The following AAK1 variants were observed in gnomAD, a reference collection of about 807,000 sequenced individuals.
The protein encoded by AAK1 is AP2 associated kinase 1.
Under a neutral mutation model 116.0 loss-of-function variants are expected in AAK1, and 37 were observed. The ratio of observed to expected loss-of-function variants is 0.32; its 90% CI spans 0.25 to 0.42. The LOEUF is 0.42. AAK1 is among the 10% of genes least tolerant of loss of function. The pLI, the probability that AAK1 is intolerant of heterozygous loss-of-function variation, is 1.00. For synonymous variants in AAK1, 458 were observed against 439.9 expected (o/e 1.04, Z -0.51); for missense variants, 919 against 1,170.6 (o/e 0.79, Z 3.14).
At chr2:69,583,873 A>C (rs1010084141) in intron 2 of AAK1, among the ~76,000 whole-genome samples, 11 of 152,108 alleles carry the variant, frequency 7.2e-5, no homozygotes, top group Non-Finnish European at 1.2e-4. Context: ...CACAGCACAA[A>C]ATGTCCACTT....
At position 69,519,177 on chromosome 2, in the gene AAK1, C is replaced by T. The variant is rs1236189814; in HGVS notation, c.1274G>A (p.Ser425Asn). Residue 425 changes from serine to asparagine, a missense_variant, in exon 12 of 22, where the codon AGC (serine) becomes AAC (asparagine). Ser to Asn is a conservative substitution (Grantham distance 46, BLOSUM62 1). Coordinates refer to ENST00000409085, the MANE Select transcript of AAK1 (RefSeq NM_014911.5). ...VPQPKPQAPP[S>N]QPLPQTQAKQ... ...GGCCTGAGTTTGCGGCAGAGGCTGG[C>T]TGGGTGGGGCTTGGGGTTTTGGTTG... The T allele has an allele frequency of 6.3e-7, 1 of 1,587,580 alleles. No homozygotes were observed.
Position 69,460,276 on chromosome 2 carries a change from A to T in AAK1, c.*15593T>A, listed in dbSNP as rs1001004501. 1.3e-5 allele frequency: 2 copies of T among 152,632 alleles called. No homozygotes were observed. Among genetic ancestry groups the T allele is most frequent in the African/African-American group, 4.8e-5 (2 of 41,452 alleles). 9.5% of individuals were successfully genotyped at this position (152,632 alleles called of 1,614,324 possible). ...TTAAGCTGTATTCTTCCTGCTAGAG[A>T]ATGAATTGAGTAGCATCCTTCTCTA... is the stretch of plus-strand genomic sequence containing the variant. On this transcript the variant is annotated 3_prime_UTR_variant, in exon 22 of 22. Coordinates refer to ENST00000409085, the MANE Select transcript of AAK1 (RefSeq NM_014911.5).
intron 2 of AAK1, among the ~76,000 whole-genome samples, chr2:69,617,264 A>AT (rs1301857873): frequency 6.6e-6 from 1 of 152,222 alleles, no homozygotes; most frequent in Non-Finnish European, 1.5e-5. Flanking sequence ...AAGGAATTCA[A>AT]TTATCTCTAA....
chr2:69,535,092 A>T (rs1203839993), intron 5 of AAK1, among the ~76,000 whole-genome samples: 2 of 152,180 alleles, frequency 1.3e-5, no homozygotes. Flanking sequence ...GGCCTCATGC[A>T]CCTGGCAGGG....
intron 2 of AAK1, among the ~76,000 whole-genome samples, chr2:69,629,245 G>T (rs1019789066): frequency 2.0e-5 from 3 of 152,148 alleles, no homozygotes; most frequent in African/African-American, 7.2e-5. Context: ...AAAAATCACT[G>T]TCCTAATTTA....
intron 2 of AAK1, among the ~76,000 whole-genome samples, chr2:69,587,487 T>C (rs944321557): frequency 1.4e-5 from 2 of 147,702 alleles, no homozygotes; most frequent in Non-Finnish European, 3.0e-5. Context: ...ATTTTTTTGA[T>C]GTCGTTTCGC....
intron 5 of AAK1, among the ~76,000 whole-genome samples, chr2:69,540,723 C>T (rs1670677014): frequency 6.6e-6 from 1 of 152,206 alleles, no homozygotes; most frequent in South Asian, 2.1e-4. Flanking sequence ...CACAGAGCTA[C>T]TATATGACCC....
At position 69,499,400 on chromosome 2, in the gene AAK1, G is replaced by A. The variant is rs150173684; in HGVS notation, c.2270-3320C>T. On this transcript the variant is annotated intron_variant, in intron 16 of 21. Transcript: ENST00000409085. ...AGCCTTTAAAGCACTCCCTTCTGGG[G>A]CCCCTAGTTCCCTCTGGGACTTTCA... Among the ~76,000 whole-genome samples the A allele has an allele frequency of 2.0e-5, 3 of 152,188 alleles. No homozygotes were observed. The East Asian group carries it at 5.8e-4, about 29-fold the overall frequency.
At chr2:69,533,999 C>G (rs1348192635) in intron 5 of AAK1, among the ~76,000 whole-genome samples, 1 of 152,180 alleles carries the variant, frequency 6.6e-6, no homozygotes, top group Non-Finnish European at 1.5e-5. Context: ...CATATACACA[C>G]TTTAGGAATT....
chr2:69,592,548 G>T (rs1455827227), intron 2 of AAK1, among the ~76,000 whole-genome samples: 1 of 152,106 alleles, frequency 6.6e-6, no homozygotes, highest in Non-Finnish European at 1.5e-5. Flanking sequence ...AGGTAGAGAT[G>T]GTTTTCTATA....
intron 2 of AAK1, among the ~76,000 whole-genome samples, chr2:69,610,050 CAA>C (rs760754177): frequency 0.077 from 4,102 of 53,200 alleles, 89 homozygotes; most frequent in South Asian, 0.23. Context: ...GACTCTGTCT[CAA>C]AAAAAAAAAA....
rs552158990 is a variant in AAK1 at position 69,466,558 on chromosome 2, A to G, written c.*9311T>C. The stretch of plus-strand genomic sequence containing the variant: ...TTGGACTCCCTCTGGAGATCTAGAA[A>G]AGCATAAAATGCAGAATTAATGTGT... On this transcript the variant is annotated 3_prime_UTR_variant, in exon 22 of 22. Transcript: ENST00000409085. 40 of 1,181,940 alleles carry G rather than the reference A, an allele frequency of 3.4e-5. No homozygotes were observed. In the African/African-American group the frequency reaches 5.4e-4, roughly 16 times the overall value. The allele number at this position is 1,181,940 out of a possible 1,614,324, so 73.2% of individuals were successfully genotyped here.
In AAK1 at chr2:69,620,909, A is replaced by G. The variant is rs115740336; in HGVS notation, c.163+21969T>C. ...ATGCCATGATACTTAACTTCCCTAGATATCTTTCCTTAAAATGATTTGCCC... is the reference window on the plus strand; with the variant it reads ...ATGCCATGATACTTAACTTCCCTAGGTATCTTTCCTTAAAATGATTTGCCC... On this transcript the variant is annotated intron_variant, in intron 2 of 21. Transcript: ENST00000409085. Among the ~76,000 whole-genome samples, 948 of 152,330 alleles carry G rather than the reference A, an allele frequency of 6.2e-3. 4 individuals are homozygous for G. The highest frequency in any genetic ancestry group is 0.01 in the Non-Finnish European group (694 of 68,036).
rs1674440732 is a variant in AAK1 at position 69,464,949 on chromosome 2, A to G, written c.*10920T>C. On this transcript the variant is annotated 3_prime_UTR_variant, in exon 22 of 22. Transcript: ENST00000409085. ...GTTTTTATCTTGCTCTTCTTTCCAG[A>G]CATCTCCCCTTTTCAAGAGTACTAA... The G allele has an allele frequency of 6.5e-6, 1 of 154,870 alleles. No individual in the cohort carries two copies. Among genetic ancestry groups the G allele is most frequent in the Non-Finnish European group, 1.4e-5 (1 of 69,960 alleles). 9.6% of individuals were successfully genotyped at this position (154,870 alleles called of 1,614,324 possible).
intron 17 of AAK1, among the ~76,000 whole-genome samples, chr2:69,491,540 A>G (rs569971343): frequency 1.3e-5 from 2 of 152,322 alleles, no homozygotes; most frequent in East Asian, 3.9e-4. Flanking sequence ...ATAGTTTGAC[A>G]ATCACTGTAT....
intron 13 of AAK1, among the ~76,000 whole-genome samples, chr2:69,512,033 A>G (rs6720203): frequency 0.039 from 5,876 of 152,230 alleles, 330 homozygotes; most frequent in East Asian, 0.19. Context: ...ATGCTCATTC[A>G]AGGTCACAGG....
At chr2:69,576,798 T>G (rs1672333698) in intron 2 of AAK1, among the ~76,000 whole-genome samples, 1 of 152,190 alleles carries the variant, frequency 6.6e-6, no homozygotes, top group Non-Finnish European at 1.5e-5. Flanking sequence ...AGAGCCTCGC[T>G]TCTACAAGAT....
chr2:69,620,354 A>G (rs572974799), intron 2 of AAK1, among the ~76,000 whole-genome samples: 1 of 151,628 alleles, frequency 6.6e-6, no homozygotes, highest in South Asian at 2.1e-4. Context: ...TTTAACCTCA[A>G]TCTCTCCCCT....
intron 8 of AAK1, among the ~76,000 whole-genome samples, chr2:69,529,129 A>G: frequency 6.6e-6 from 1 of 152,218 alleles, no homozygotes; most frequent in African/African-American, 2.4e-5. Flanking sequence ...CATTTGCATA[A>G]TGGGAATAAT....
Sources: allele counts gnomAD v4.1 joint callset (sites outside exome capture counted in the v4.1 genomes callset), GRCh38; gene constraint gnomAD v4.1.1; transcripts MANE v1.5; gene names NCBI Gene and HGNC (gene_info 2026-07-23, HGNC 2026-07-21).